The following PIK3C2A variants were observed in gnomAD, a reference collection of about 807,000 sequenced individuals.
PIK3C2A encodes the protein phosphatidylinositol 4-phosphate 3-kinase C2 domain-containing subunit alpha.
Under a neutral mutation model 204.5 loss-of-function variants are expected in PIK3C2A, and 97 were observed. The ratio of observed to expected loss-of-function variants is 0.47; its 90% CI spans 0.40 to 0.56. PIK3C2A has a LOEUF of 0.56. Ranked by LOEUF, PIK3C2A falls within the 20% of genes least tolerant of loss-of-function variation. The probability of loss-of-function intolerance (pLI) is 0.00; values close to 1 mark genes in which losing one functional copy is unlikely to be tolerated. For synonymous variants in PIK3C2A, 653 were observed against 664.4 expected, an observed-to-expected ratio of 0.98 and a Z score of 0.26; for missense variants, 1,735 against 1,969.2, an observed-to-expected ratio of 0.88 and a Z score of 2.25.
intron 1 of PIK3C2A, among the ~76,000 whole-genome samples, chr11:17,201,871 G>C (rs1433282534): frequency 6.6e-6 from 1 of 152,098 alleles, no homozygotes; most frequent in African/African-American, 2.4e-5. Flanking sequence ...ACTTCCCAAA[G>C]GCAGGAAGTA....
chr11:17,178,745 C>T (rs1397383584), intron 1 of PIK3C2A, among the ~76,000 whole-genome samples: 5 of 112,508 alleles, frequency 4.4e-5, no homozygotes, highest in South Asian at 3.1e-4. Context: ...TTTTTTGAGA[C>T]GGAGTCTCGC....
chr11:17,093,741 A>G (rs1201005557), intron 28 of PIK3C2A, among the ~76,000 whole-genome samples: 1 of 151,410 alleles, frequency 6.6e-6, no homozygotes, highest in African/African-American at 2.4e-5. Context: ...GGTATCAATC[A>G]ATCCTCTCAC....
At chr11:17,118,549 A>T in intron 18 of PIK3C2A, 96 bp downstream of exon 18, 1 of 632,420 alleles carries the variant, frequency 1.6e-6, no homozygotes, top group South Asian at 2.1e-5. Flanking sequence ...TGTATCCACA[A>T]TAAGTAGTGT....
At chr11:17,162,281 C>A (rs1850799832) in intron 2 of PIK3C2A, among the ~76,000 whole-genome samples, 1 of 150,334 alleles carries the variant, frequency 6.7e-6, no homozygotes, top group Non-Finnish European at 1.5e-5. Context: ...GTGGAGGTTG[C>A]AGTGAGCCAA....
chr11:17,110,420 T>A lies in PIK3C2A; in HGVS notation c.3544+12A>T. The stretch of plus-strand genomic sequence containing the variant: ...AAAAAATAAGACATCAAGACACAGC[T>A]AATAAACTTACCTCGATCTCTGCCA... On this transcript the variant is annotated intron_variant, in intron 22 of 32. Transcript: ENST00000691414. The A allele has an allele frequency of 6.2e-7, 1 of 1,604,928 alleles. No homozygotes were observed. Among genetic ancestry groups the A allele is most frequent in the Non-Finnish European group, 8.5e-7 (1 of 1,176,172 alleles).
intron 1 of PIK3C2A, among the ~76,000 whole-genome samples, chr11:17,178,711 GA>G (rs1851423752): frequency 1.1e-5 from 1 of 89,242 alleles, no homozygotes; most frequent in East Asian, 2.9e-4. Context: ...GTTGATTTTT[GA>G]ATTTTTTTTT....
At chr11:17,198,377 T>C (rs1852237737) in intron 1 of PIK3C2A, among the ~76,000 whole-genome samples, 2 of 152,052 alleles carry the variant, frequency 1.3e-5, no homozygotes, top group Admixed American at 1.3e-4. Flanking sequence ...CCCAAAGTGC[T>C]GGGATTACAG....
rs1490870545 is a variant in PIK3C2A at position 17,135,113 on chromosome 11, C to G, written c.1895G>C (p.Arg632Thr). ...AATTTAAAGATTTAAACACATACCC[C>G]TAGTTGAACTCCTGCTAGTGTCTTC... is the stretch of plus-strand genomic sequence containing the variant. ...GGEDTSRSSTRGSLNPENPVQ... is the reference protein window; with the variant it reads ...GGEDTSRSSTTGSLNPENPVQ... The change falls in exon 10 of 33, where the codon AGG becomes ACG. Residue 632 changes from arginine (R) to threonine (T), a missense_variant and splice_region_variant. Physicochemically the swap from Arg to Thr is moderately conservative, Grantham distance 71 (BLOSUM62 -1). Coordinates refer to ENST00000691414, the MANE Select transcript of PIK3C2A (RefSeq NM_002645.4). 5 of 1,613,918 alleles carry G rather than the reference C, an allele frequency of 3.1e-6. No homozygotes were observed. The South Asian group carries it at 5.5e-5, about 18-fold the overall frequency.
intron 1 of PIK3C2A, among the ~76,000 whole-genome samples, chr11:17,189,478 G>T (rs1338059284): frequency 6.8e-6 from 1 of 146,034 alleles, no homozygotes; most frequent in Non-Finnish European, 1.5e-5. Flanking sequence ...AGCTGGGCAT[G>T]GTAGCACAGG....
At chr11:17,174,248 GA>G (rs890068669) in intron 1 of PIK3C2A, among the ~76,000 whole-genome samples, 1 of 152,020 alleles carries the variant, frequency 6.6e-6, no homozygotes, top group African/African-American at 2.4e-5. Context: ...ACCTATTGTG[GA>G]ACACCAAAGT....
chr11:17,169,196 T>C lies in PIK3C2A; in HGVS notation c.546A>G (p.Thr182=). The C allele has an allele frequency of 6.2e-7, 1 of 1,614,104 alleles. No homozygotes were observed. Among genetic ancestry groups the C allele is most frequent in the East Asian group, 2.2e-5 (1 of 44,878 alleles). Residue 182 remains threonine (T), a synonymous_variant, in exon 2 of 33, where the codon ACA becomes ACG. Transcript: ENST00000691414. ...FNPRMPTFPS[T]EPIYLSLPGQ... Reference sequence around the variant, plus strand: ...CCGGAAGACTTAAATATATAGGTTCTGTAGATGGAAAAGTGGGCATTCTTG... The same window carrying C: ...CCGGAAGACTTAAATATATAGGTTCCGTAGATGGAAAAGTGGGCATTCTTG...
Position 17,169,401 on chromosome 11 carries a change from G to T in PIK3C2A, c.341C>A (p.Thr114Lys), listed in dbSNP as rs1026628913. ...LLDDSFETKKTPVLPVTPILS... is the reference protein window; with the variant it reads ...LLDDSFETKKKPVLPVTPILS... ...AATAGGAGTAACTGGTAATACAGGT[G>T]TTTTTTTAGTCTCGAAACTGTCATC... The change falls in exon 2 of 33, where the codon ACA becomes AAA. Residue 114 changes from threonine to lysine, a missense_variant. This residue lies in a region of PIK3C2A where 536 missense variants were observed against 546.7 expected (regional missense o/e 0.98). Transcript: ENST00000691414. The T allele has an allele frequency of 3.1e-6, 5 of 1,613,920 alleles. No homozygotes were observed. In the East Asian group the frequency reaches 8.9e-5, roughly 29 times the overall value.
At chr11:17,180,786 C>A (rs559024030) in intron 1 of PIK3C2A, among the ~76,000 whole-genome samples, 5 of 152,308 alleles carry the variant, frequency 3.3e-5, no homozygotes, top group African/African-American at 1.2e-4. Context: ...TGTGCCACTG[C>A]ATTCCAGCGG....
chr11:17,156,652 T>C (rs1178124973), intron 2 of PIK3C2A, among the ~76,000 whole-genome samples: 1 of 152,202 alleles, frequency 6.6e-6, no homozygotes, highest in Non-Finnish European at 1.5e-5. Context: ...AAGATGATTC[T>C]GTGTGAGAAA....
intron 1 of PIK3C2A, among the ~76,000 whole-genome samples, chr11:17,175,454 G>A (rs1218690610): frequency 2.0e-5 from 3 of 152,134 alleles, no homozygotes; most frequent in African/African-American, 7.2e-5. Flanking sequence ...CTGCTGCATT[G>A]ACATGCTCCA....
Position 17,132,053 on chromosome 11 carries a change from T to C in PIK3C2A, c.2109-15A>G, listed in dbSNP as rs150205393. The C allele has an allele frequency of 4.6e-5, 65 of 1,416,194 alleles. No homozygotes were observed. The Middle Eastern group carries it at 1.3e-3, about 27-fold the overall frequency. 87.7% of individuals were successfully genotyped at this position (1,416,194 alleles called of 1,614,324 possible). A position where few individuals can be genotyped will look rare whatever the true frequency, so the allele number is the denominator to read the frequency against. On this transcript the variant is annotated splice_polypyrimidine_tract_variant and intron_variant, in intron 11 of 32. Transcript: ENST00000691414. ...ATTTTTCATAACTGAGAAAAGAAAG[T>C]TTAACTTGATTTCTATCATGATAAT...
At chr11:17,113,775 C>T (rs1849076989) in intron 20 of PIK3C2A, among the ~76,000 whole-genome samples, 1 of 138,700 alleles carries the variant, frequency 7.2e-6, no homozygotes, top group Non-Finnish European at 1.5e-5. Context: ...GAGCAAGACT[C>T]CATCTCAAAA....
chr11:17,128,248 TTTTTC>T (rs1221201792), intron 13 of PIK3C2A, among the ~76,000 whole-genome samples: 6 of 149,338 alleles, frequency 4.0e-5, no homozygotes, highest in Admixed American at 6.7e-5. Context: ...TTTTTTTTAA[TTTTTC>T]TTTTAGAACT....
In PIK3C2A at chr11:17,168,775, C is replaced by T. The variant is rs1357483389; in HGVS notation, c.967G>A (p.Val323Met). 2.5e-6 allele frequency: 4 copies of T among 1,614,012 alleles called. No individual in the cohort carries two copies. The Admixed American group carries it at 5.0e-5, about 20-fold the overall frequency. The change falls in exon 2 of 33, where the codon GTG becomes ATG. Residue 323 changes from valine (V) to methionine (M), a missense_variant. Physicochemically the swap from Val to Met is conservative, Grantham distance 21. Coordinates refer to ENST00000691414, the MANE Select transcript of PIK3C2A (RefSeq NM_002645.4). ...GCCACAGAAAGGGATTTTCCATTCA[C>T]CTTTCTTTCAAGATGACAATTTGCT... ...STANCHLERK[V>M]NGKSLSVATV...
Sources: gnomAD v4.1 joint callset for allele counts (sites outside exome capture counted in the v4.1 genomes callset) on GRCh38, gnomAD v4.1.1 for gene constraint, gnomAD v4.1.1 regional missense constraint, MANE v1.5 for transcripts, NCBI Gene and HGNC (gene_info 2026-07-23, HGNC 2026-07-21) for gene names.